Variants in NPEPPS observed in about 807,000 individuals in gnomAD.
NPEPPS encodes the protein aminopeptidase puromycin sensitive.
In NPEPPS, 14 loss-of-function variants were observed where a neutral mutation model predicts 115.5. The observed-to-expected ratio is 0.12, with a 90% CI of 0.08 to 0.19. The LOEUF (loss-of-function observed/expected upper bound fraction) is 0.19, where lower values mean the gene tolerates loss of function less well. NPEPPS is among the 10% of genes least tolerant of loss of function. NPEPPS has a pLI of 1.00. For synonymous variants in NPEPPS, 285 were observed against 390.6 expected, an observed-to-expected ratio of 0.73 and a Z score of 3.19; for missense variants, 523 against 1,110.8, an observed-to-expected ratio of 0.47 and a Z score of 7.52.
chr17:47,587,748 C>T (rs1912277559), intron 9 of NPEPPS, among the ~76,000 whole-genome samples: 1 of 152,112 alleles, frequency 6.6e-6, no homozygotes, highest in Admixed American at 6.6e-5. Flanking sequence ...ACAAACTGAT[C>T]TTTAATTAGA....
chr17:47,556,653 G>A (rs1396075091), intron 2 of NPEPPS, among the ~76,000 whole-genome samples: 1 of 152,180 alleles, frequency 6.6e-6, no homozygotes, highest in Non-Finnish European at 1.5e-5. Context: ...CCCAGAAGGG[G>A]CGGCCGGGCA....
chr17:47,600,988 T>C (rs1913160347), intron 14 of NPEPPS, among the ~76,000 whole-genome samples: 1 of 152,120 alleles, frequency 6.6e-6, no homozygotes, highest in African/African-American at 2.4e-5. Flanking sequence ...TTTGGGAGGC[T>C]GAGGCGTGTG....
chr17:47,591,564 GTTA>G (rs1912504602), intron 10 of NPEPPS, among the ~76,000 whole-genome samples: 1 of 152,126 alleles, frequency 6.6e-6, no homozygotes, highest in Non-Finnish European at 1.5e-5. Context: ...AAGAACTAGA[GTTA>G]TAATGCTACT....
At chr17:47,535,242 CAAAAAA>C (rs1163530675) in intron 1 of NPEPPS, among the ~76,000 whole-genome samples, 1 of 57,112 alleles carries the variant, frequency 1.8e-5, no homozygotes, top group African/African-American at 9.7e-5. Context: ...GACTCTGTCT[CAAAAAA>C]AAAAAAAAAA....
intron 1 of NPEPPS, among the ~76,000 whole-genome samples, chr17:47,535,832 CT>C (rs553790964): frequency 0.096 from 9,734 of 100,950 alleles, 203 homozygotes; most frequent in East Asian, 0.17. Context: ...ATTGGGTATT[CT>C]TTTTTTTTTT....
At chr17:47,541,370 T>A (rs1908751329) in intron 1 of NPEPPS, among the ~76,000 whole-genome samples, 1 of 152,048 alleles carries the variant, frequency 6.6e-6, no homozygotes, top group Non-Finnish European at 1.5e-5. Flanking sequence ...CATTTCTTTG[T>A]GTTTCTGATT....
chr17:47,564,750 A>G (rs2143787083), intron 2 of NPEPPS, among the ~76,000 whole-genome samples: 1 of 151,838 alleles, frequency 6.6e-6, no homozygotes, highest in Middle Eastern at 3.4e-3. Flanking sequence ...TCTCATATGC[A>G]TCTTCAGTAT....
At chr17:47,595,310 C>T (rs1480336391) in intron 12 of NPEPPS, among the ~76,000 whole-genome samples, 2 of 152,102 alleles carry the variant, frequency 1.3e-5, no homozygotes, top group African/African-American at 4.8e-5. Flanking sequence ...AGGTGATCCG[C>T]CCGCTTTGGC....
chr17:47,615,073 CTTTTTTT>C (rs60829784), intron 19 of NPEPPS, among the ~76,000 whole-genome samples: 16 of 122,490 alleles, frequency 1.3e-4, no homozygotes, highest in African/African-American at 4.7e-4. Context: ...TACTTTCTTT[CTTTTTTT>C]TTTTTTTTTT....
At chr17:47,567,037 G>A (rs1910866745) in intron 2 of NPEPPS, among the ~76,000 whole-genome samples, 1 of 152,022 alleles carries the variant, frequency 6.6e-6, no homozygotes, top group South Asian at 2.1e-4. Context: ...TTGAGATAGC[G>A]CCACTGTACT....
chr17:47,580,085 A>G (rs145391023), intron 4 of NPEPPS: 49 of 152,216 alleles, frequency 3.2e-4, no homozygotes, highest in African/African-American at 1.1e-3. Flanking sequence ...TCGTATTTTT[A>G]AGTGTTAAAT....
At chr17:47,560,723 T>C (rs1910373649) in intron 2 of NPEPPS, among the ~76,000 whole-genome samples, 1 of 152,230 alleles carries the variant, frequency 6.6e-6, no homozygotes, top group Non-Finnish European at 1.5e-5. Flanking sequence ...AGGTGGTCAC[T>C]GTAGGCCTTC....
intron 2 of NPEPPS, chr17:47,559,689 T>G: frequency 2.2e-6 from 1 of 454,920 alleles, no homozygotes; most frequent in South Asian, 1.6e-5. Flanking sequence ...TCTTTCCTGG[T>G]AGGATATCAC....
intron 3 of NPEPPS, among the ~76,000 whole-genome samples, chr17:47,570,011 C>G (rs1001693871): frequency 2.0e-5 from 3 of 152,190 alleles, no homozygotes; most frequent in Non-Finnish European, 4.4e-5. Flanking sequence ...AGGGTTTCCA[C>G]CTCCTGTCAC....
chr17:47,562,345 T>C (rs945499702), intron 2 of NPEPPS, among the ~76,000 whole-genome samples: 2 of 152,154 alleles, frequency 1.3e-5, no homozygotes, highest in African/African-American at 2.4e-5. Flanking sequence ...GTAGATAGCA[T>C]GATAATTGAA....
At chr17:47,591,239 C>T (rs1407968922) in intron 10 of NPEPPS, among the ~76,000 whole-genome samples, 2 of 151,750 alleles carry the variant, frequency 1.3e-5, no homozygotes, top group Non-Finnish European at 1.5e-5. Flanking sequence ...GGCACGGTGG[C>T]GCATGCCTGT....
chr17:47,542,616 A>G (rs1042875279), intron 1 of NPEPPS, among the ~76,000 whole-genome samples: 5 of 151,780 alleles, frequency 3.3e-5, no homozygotes, highest in African/African-American at 9.7e-5. Context: ...CATAGTGATA[A>G]TTCATTGGCT....
chr17:47,549,802 AG>A (rs1212519487), intron 2 of NPEPPS, among the ~76,000 whole-genome samples: 5 of 149,204 alleles, frequency 3.4e-5, no homozygotes, highest in Non-Finnish European at 5.9e-5. Flanking sequence ...AAAAAAAAAA[AG>A]TTTGGATTGG....
At chr17:47,551,945 C>T in intron 2 of NPEPPS, among the ~76,000 whole-genome samples, 1 of 130,764 alleles carries the variant, frequency 7.6e-6, no homozygotes, top group Admixed American at 8.2e-5. Context: ...AATTTCTGAT[C>T]TTGTTTGTTG....
Sources: allele counts gnomAD v4.1 joint callset (sites outside exome capture counted in the v4.1 genomes callset), GRCh38; gene constraint gnomAD v4.1.1; transcripts MANE v1.5; gene names NCBI Gene and HGNC (gene_info 2026-07-23, HGNC 2026-07-21).